The following GOLT1B variants were observed in gnomAD, a reference collection of about 807,000 sequenced individuals.
The protein encoded by GOLT1B is vesicle transport protein GOT1B.
A neutral mutation model predicts 15.4 loss-of-function variants in GOLT1B; 3 were observed. That is an observed-to-expected ratio of 0.19 (90% CI 0.09 to 0.50). The LOEUF (loss-of-function observed/expected upper bound fraction) is 0.50, where lower values mean the gene tolerates loss of function less well. Among genes scored for constraint, GOLT1B ranks in the 20% least tolerant of loss-of-function variants. GOLT1B has a pLI of 0.97. For missense variants in GOLT1B, 145 were observed against 160.4 expected, an observed-to-expected ratio of 0.90 and a Z score of 0.52; for synonymous variants, 65 against 56.2, an observed-to-expected ratio of 1.16 and a Z score of -0.70.
At chr12:21,504,614 C>T (rs1269942247) in intron 1 of GOLT1B, 1 of 503,592 alleles carries the variant, frequency 2.0e-6, no homozygotes, top group East Asian at 5.6e-5. Flanking sequence ...AGCACCCACA[C>T]ACACATTTTT....
At chr12:21,508,313 GA>G in intron 2 of GOLT1B, 69 bp from the exon 3 acceptor site, 1 of 923,838 alleles carries the variant, frequency 1.1e-6, no homozygotes, top group Non-Finnish European at 1.6e-6. Context: ...ATTTAGCTTT[GA>G]CTTTACGTTT....
In GOLT1B at chr12:21,503,484, T is replaced by C. The variant is rs145623007; in HGVS notation, c.25+1536T>C. On this transcript the variant is annotated intron_variant, in intron 1 of 4. Coordinates refer to ENST00000229314, the MANE Select transcript of GOLT1B (RefSeq NM_016072.5). ...GAATAATCTGTGCATAGAAATTATATTTTTGAAGACTTAATATAGTGATGA... is the reference window on the plus strand; with the variant it reads ...GAATAATCTGTGCATAGAAATTATACTTTTGAAGACTTAATATAGTGATGA... Among the ~76,000 whole-genome samples the C allele has an allele frequency of 2.0e-5, 3 of 152,316 alleles. No homozygotes were observed. In the East Asian group the frequency reaches 5.8e-4, roughly 29 times the overall value.
In GOLT1B at chr12:21,506,892, A is replaced by G; in HGVS notation, c.33A>G (p.Gly11=). 7.1e-7 allele frequency: 1 copy of G among 1,418,154 alleles called. No homozygotes were observed. Among genetic ancestry groups the G allele is most frequent in the Non-Finnish European group, 9.9e-7 (1 of 1,005,496 alleles). The allele number at this position is 1,418,154 out of a possible 1,614,324, so 87.8% of individuals were successfully genotyped here. The change falls in exon 2 of 5, where the codon GGA becomes GGG. Residue 11 remains glycine, a synonymous_variant. Transcript: ENST00000229314. The part of the protein sequence containing the change: MISLTDTQKI[G]MGLTGFGVFF... ...ATATACCTTATATTGCAGAAATTGG[A>G]ATGGGATTAACAGGATTTGGAGTGT...
At chr12:21,509,387 ACT>A (rs1487841965) in intron 3 of GOLT1B, among the ~76,000 whole-genome samples, 10 of 116,050 alleles carry the variant, frequency 8.6e-5, no homozygotes, top group African/African-American at 3.5e-4. Context: ...ATAGAGCGAG[ACT>A]CTGTCTCAAA....
intron 1 of GOLT1B, among the ~76,000 whole-genome samples, chr12:21,506,012 A>G (rs1591760652): frequency 7.0e-6 from 1 of 143,562 alleles, no homozygotes; most frequent in Admixed American, 7.1e-5. Flanking sequence ...AATTTTATAT[A>G]CAAGATAAAC....
intron 1 of GOLT1B, among the ~76,000 whole-genome samples, chr12:21,506,154 T>G (rs903601106): frequency 2.0e-5 from 3 of 152,104 alleles, no homozygotes; most frequent in Admixed American, 2.0e-4. Flanking sequence ...CCTAGAATAT[T>G]AATATTAGGT....
chr12:21,507,153 T>A (rs1315794586), intron 2 of GOLT1B, 177 bp downstream of exon 2: 5 of 636,112 alleles, frequency 7.9e-6, no homozygotes, highest in Non-Finnish European at 1.4e-5. Context: ...AAATAAAAGG[T>A]AAACACTTAA....
intron 1 of GOLT1B, among the ~76,000 whole-genome samples, chr12:21,506,239 T>C (rs1943677783): frequency 1.3e-5 from 2 of 152,100 alleles, no homozygotes; most frequent in African/African-American, 4.8e-5. Context: ...ATTTATAGTT[T>C]AGGTAAATTT....
Position 21,509,497 on chromosome 12 carries a change from G to C in GOLT1B, c.296+936G>C, listed in dbSNP as rs141006072. On this transcript the variant is annotated intron_variant, in intron 3 of 4. Coordinates refer to ENST00000229314, the MANE Select transcript of GOLT1B (RefSeq NM_016072.5). ...CAGAAATGCATATCCTTTGTCTTCT[G>C]TCTGCCAGGCACTGTATTACCCACA... is the stretch of plus-strand genomic sequence containing the variant. Among the ~76,000 whole-genome samples, 71 of 148,326 alleles carry C rather than the reference G, an allele frequency of 4.8e-4. 1 individual carries two copies. The East Asian group carries it at 9.0e-3, about 19-fold the overall frequency.
chr12:21,517,836 AC>A lies in GOLT1B; in HGVS notation c.*2130del, dbSNP rs1943767346. 6.6e-6 allele frequency: 1 copy of A among 152,538 alleles called. No homozygotes were observed. The highest frequency in any genetic ancestry group is 2.1e-4 in the South Asian group (1 of 4,836). The allele number at this position is 152,538 out of a possible 1,614,324, so 9.4% of individuals were successfully genotyped here. On this transcript the variant is annotated 3_prime_UTR_variant, in exon 5 of 5. Coordinates refer to ENST00000229314, the MANE Select transcript of GOLT1B (RefSeq NM_016072.5). ...GAACCCTTGATGAGACTATTTTTAA[AC>A]ATACTAGTCTGCTGATAGAAAGCAC... is the stretch of plus-strand genomic sequence containing the variant.
chr12:21,504,522 A>G (rs1216386207), intron 1 of GOLT1B: 3 of 494,236 alleles, frequency 6.1e-6, no homozygotes, highest in African/African-American at 5.8e-5. Context: ...CCCATGTTGT[A>G]GTTGTAGGAC....
intron 2 of GOLT1B, 109 bp from the exon 3 acceptor site, chr12:21,508,274 A>G (rs1449879882): frequency 5.7e-6 from 4 of 695,962 alleles, no homozygotes; most frequent in Non-Finnish European, 9.5e-6. Context: ...CCCACATTAA[A>G]AGCCAAACAA....
chr12:21,515,659 C>T lies in GOLT1B; in HGVS notation c.379-10C>T, dbSNP rs200621316. 88 of 1,308,360 alleles carry T rather than the reference C, an allele frequency of 6.7e-5. No individual in the cohort carries two copies. Among genetic ancestry groups the T allele is most frequent in the Non-Finnish European group, 9.4e-5 (86 of 916,600 alleles). The allele number at this position is 1,308,360 out of a possible 1,614,324, so 81.0% of individuals were successfully genotyped here. Reference sequence around the variant, plus strand: ...CTTTCTTTAATTCTCTGTTTTTCTTCTCCTTACAGTTTGTAGATAAAGTTG... The same window carrying T: ...CTTTCTTTAATTCTCTGTTTTTCTTTTCCTTACAGTTTGTAGATAAAGTTG... On this transcript the variant is annotated splice_polypyrimidine_tract_variant and intron_variant, in intron 4 of 4. Transcript: ENST00000229314.
Position 21,506,956 on chromosome 12 carries a change from G to T in GOLT1B, c.97G>T (p.Ala33Ser). ...FFGMILFFDKALLAIGNVLFV... is the reference protein window; with the variant it reads ...FFGMILFFDKSLLAIGNVLFV... Reference sequence around the variant, plus strand: ...TGGAATGATTCTCTTTTTTGACAAAGCACTACTGGCTATTGGAAATGTGAG... The same window carrying T: ...TGGAATGATTCTCTTTTTTGACAAATCACTACTGGCTATTGGAAATGTGAG... The change falls in exon 2 of 5, where the codon GCA becomes TCA. Residue 33 changes from alanine (A) to serine (S), a missense_variant. Coordinates refer to ENST00000229314, the MANE Select transcript of GOLT1B (RefSeq NM_016072.5). 1.4e-6 allele frequency: 2 copies of T among 1,391,990 alleles called. No homozygotes were observed. The highest frequency in any genetic ancestry group is 1.2e-5 in the South Asian group (1 of 84,950). The allele number at this position is 1,391,990 out of a possible 1,614,324, so 86.2% of individuals were successfully genotyped here.
intron 3 of GOLT1B, among the ~76,000 whole-genome samples, chr12:21,509,836 T>C (rs1310135854): frequency 6.6e-6 from 1 of 152,218 alleles, no homozygotes; most frequent in African/African-American, 2.4e-5. Flanking sequence ...AATACTCTTA[T>C]AGAACAGGAG....
intron 3 of GOLT1B, among the ~76,000 whole-genome samples, chr12:21,510,034 T>TA (rs1943708653): frequency 6.6e-6 from 1 of 152,120 alleles, no homozygotes; most frequent in Non-Finnish European, 1.5e-5. Context: ...CCAGAGGTGG[T>TA]ACAACAGGGT....
Position 21,506,962 on chromosome 12 carries a change from C to A in GOLT1B, c.103C>A (p.Leu35Met). Residue 35 changes from leucine to methionine, a missense_variant, in exon 2 of 5, where the codon CTG becomes ATG. Physicochemically the swap from Leu to Met is conservative, Grantham distance 15. Transcript: ENST00000229314. ...GATTCTCTTTTTTGACAAAGCACTACTGGCTATTGGAAATGTGAGTTTTTA... is the reference window on the plus strand; with the variant it reads ...GATTCTCTTTTTTGACAAAGCACTAATGGCTATTGGAAATGTGAGTTTTTA... ...GMILFFDKAL[L>M]AIGNVLFVAG... The A allele has an allele frequency of 7.4e-7, 1 of 1,355,802 alleles. No homozygotes were observed. Among genetic ancestry groups the A allele is most frequent in the Non-Finnish European group, 1.1e-6 (1 of 950,492 alleles). The allele number at this position is 1,355,802 out of a possible 1,614,324, so 84.0% of individuals were successfully genotyped here. A position where few individuals can be genotyped will look rare whatever the true frequency, so the allele number is the denominator to read the frequency against.
At chr12:21,503,494 C>A (rs1565580449) in intron 1 of GOLT1B, among the ~76,000 whole-genome samples, 1 of 152,152 alleles carries the variant, frequency 6.6e-6, no homozygotes. Flanking sequence ...TTTTTGAAGA[C>A]TTAATATAGT....
At position 21,506,943 on chromosome 12, in the gene GOLT1B, C is replaced by CT. The variant is rs762177817; in HGVS notation, c.90dup (p.Asp31Ter). On this transcript the variant is annotated frameshift_variant, in exon 2 of 5. Coordinates refer to ENST00000229314, the MANE Select transcript of GOLT1B (RefSeq NM_016072.5). LOFTEE classifies it high-confidence loss of function. Reference sequence around the variant, plus strand: ...TTTTCCTGTTCTTTGGAATGATTCTCTTTTTTGACAAAGCACTACTGGCTA... The same window carrying CT: ...TTTTCCTGTTCTTTGGAATGATTCTCTTTTTTTGACAAAGCACTACTGGCTA... The CT allele has an allele frequency of 7.3e-6, 11 of 1,498,976 alleles. No homozygotes were observed. Among genetic ancestry groups the CT allele is most frequent in the Non-Finnish European group, 9.3e-6 (10 of 1,078,024 alleles). 92.9% of individuals were successfully genotyped at this position (1,498,976 alleles called of 1,614,324 possible).
Sources: gnomAD v4.1 joint callset for allele counts (sites outside exome capture counted in the v4.1 genomes callset) on GRCh38, gnomAD v4.1.1 for gene constraint, MANE v1.5 for transcripts, NCBI Gene and HGNC (gene_info 2026-07-23, HGNC 2026-07-21) for gene names.